ZNF385B: variants seen among roughly 807,000 people sequenced by gnomAD.
ZNF385B encodes zinc finger protein 533.
A neutral mutation model predicts 39.2 loss-of-function variants in ZNF385B; 23 were observed. That is an observed-to-expected ratio of 0.59 (90% CI 0.42 to 0.83). ZNF385B has a LOEUF of 0.83. Ranked by LOEUF, ZNF385B falls within the 40% of genes least tolerant of loss-of-function variation. ZNF385B has a pLI of 0.00. For missense variants in ZNF385B, 552 were observed against 598.9 expected, an observed-to-expected ratio of 0.92 and a Z score of 0.82; for synonymous variants, 205 against 222.6, an observed-to-expected ratio of 0.92 and a Z score of 0.70.
intron 4 of ZNF385B, among the ~76,000 whole-genome samples, chr2:179,521,062 T>C (rs993029613): frequency 6.3e-5 from 9 of 143,464 alleles, no homozygotes; most frequent in African/African-American, 1.8e-4. Context: ...TAGTAGACTA[T>C]TGTATCTATT....
Position 179,720,939 on chromosome 2 carries a change from T to TC in ZNF385B, c.298+48563_298+48564insG, listed in dbSNP as rs1449976350. ...CATGCCTGGCTGTTTTTTTTTTTTTTTTTTTTTTTTGGAGAGACAAGGTCC... is the reference window on the plus strand; with the variant it reads ...CATGCCTGGCTGTTTTTTTTTTTTTTCTTTTTTTTTTGGAGAGACAAGGTCC... On this transcript the variant is annotated intron_variant, in intron 3 of 9. Coordinates refer to ENST00000410066, the MANE Select transcript of ZNF385B (RefSeq NM_152520.6). Among the ~76,000 whole-genome samples, 5 of 146,266 alleles carry TC rather than the reference T, an allele frequency of 3.4e-5. 1 individual carries two copies. Among genetic ancestry groups the TC allele is most frequent in the African/African-American group, 1.3e-4 (5 of 39,624 alleles).
intron 6 of ZNF385B, among the ~76,000 whole-genome samples, chr2:179,478,006 A>G (rs1003953411): frequency 6.6e-5 from 10 of 152,190 alleles, no homozygotes; most frequent in African/African-American, 1.2e-4. Context: ...TCCTTTGCCC[A>G]TTGGAATACG....
At chr2:179,812,030 T>C (rs1251833984) in intron 1 of ZNF385B, among the ~76,000 whole-genome samples, 1 of 152,032 alleles carries the variant, frequency 6.6e-6, no homozygotes, top group Admixed American at 6.6e-5. Context: ...GCCAATAAAC[T>C]ATGAAAAATG....
chr2:179,645,563 A>G (rs1322602869), intron 3 of ZNF385B, among the ~76,000 whole-genome samples: 1 of 152,166 alleles, frequency 6.6e-6, no homozygotes, highest in African/African-American at 2.4e-5. Context: ...GGAACCAATT[A>G]CTCTTAAGAC....
intron 3 of ZNF385B, among the ~76,000 whole-genome samples, chr2:179,636,622 G>C (rs1196495613): frequency 6.6e-6 from 1 of 152,178 alleles, no homozygotes; most frequent in Non-Finnish European, 1.5e-5. Flanking sequence ...ACCCATACAA[G>C]TGAGGGCCCC....
intron 5 of ZNF385B, among the ~76,000 whole-genome samples, chr2:179,490,541 C>T (rs2055106446): frequency 6.6e-6 from 1 of 151,270 alleles, no homozygotes; most frequent in Non-Finnish European, 1.5e-5. Flanking sequence ...TATAAATGGA[C>T]CAAATAACTA....
At chr2:179,570,566 T>C (rs1281483362) in intron 3 of ZNF385B, among the ~76,000 whole-genome samples, 3 of 152,208 alleles carry the variant, frequency 2.0e-5, no homozygotes, top group African/African-American at 7.2e-5. Flanking sequence ...TATACAATGC[T>C]TAACACAGTG....
chr2:179,600,660 C>T (rs1171639332), intron 3 of ZNF385B, among the ~76,000 whole-genome samples: 3 of 152,118 alleles, frequency 2.0e-5, no homozygotes, highest in Non-Finnish European at 4.4e-5. Flanking sequence ...TATTTTTGGT[C>T]CTACAGGGGC....
intron 3 of ZNF385B, among the ~76,000 whole-genome samples, chr2:179,596,639 A>G (rs1219896406): frequency 1.3e-5 from 2 of 152,180 alleles, no homozygotes; most frequent in African/African-American, 4.8e-5. Flanking sequence ...CCAAACACTA[A>G]TCTTTTGATC....
At chr2:179,800,828 T>C (rs1444895314) in intron 1 of ZNF385B, among the ~76,000 whole-genome samples, 1 of 152,102 alleles carries the variant, frequency 6.6e-6, no homozygotes, top group Non-Finnish European at 1.5e-5. Flanking sequence ...TGAAGCCTTT[T>C]AAAGCAAAGC....
chr2:179,624,091 T>C (rs1515269), intron 3 of ZNF385B, among the ~76,000 whole-genome samples: 99,807 of 151,894 alleles, frequency 0.66, 32,986 homozygotes, highest in Admixed American at 0.73. Context: ...CCTTTCTCTC[T>C]CACCTCTCAT....
intron 3 of ZNF385B, among the ~76,000 whole-genome samples, chr2:179,647,082 T>C (rs1407522683): frequency 2.0e-5 from 3 of 152,170 alleles, no homozygotes; most frequent in Non-Finnish European, 2.9e-5. Context: ...TCCCACACCA[T>C]GTATTATCTA....
At chr2:179,763,619 A>G (rs1703523549) in intron 3 of ZNF385B, among the ~76,000 whole-genome samples, 1 of 152,188 alleles carries the variant, frequency 6.6e-6, no homozygotes, top group South Asian at 2.1e-4. Context: ...TTTCATTTCA[A>G]ATATAAGCAT....
intron 3 of ZNF385B, among the ~76,000 whole-genome samples, chr2:179,722,098 T>A (rs1441876674): frequency 6.6e-6 from 1 of 152,092 alleles, no homozygotes; most frequent in African/African-American, 2.4e-5. Context: ...TAAAAAGATA[T>A]CACTTAAAAT....
At chr2:179,674,290 T>C (rs757378233) in intron 3 of ZNF385B, among the ~76,000 whole-genome samples, 1 of 152,218 alleles carries the variant, frequency 6.6e-6, no homozygotes, top group Non-Finnish European at 1.5e-5. Context: ...CGGATTATTA[T>C]TAATCAAGTA....
intron 3 of ZNF385B, among the ~76,000 whole-genome samples, chr2:179,662,965 T>A (rs1016941076): frequency 3.3e-5 from 5 of 152,192 alleles, no homozygotes; most frequent in African/African-American, 1.2e-4. Flanking sequence ...TCATTTTAGT[T>A]TTGATTTTCC....
At chr2:179,623,801 A>G (rs1468550984) in intron 3 of ZNF385B, among the ~76,000 whole-genome samples, 3 of 152,160 alleles carry the variant, frequency 2.0e-5, no homozygotes, top group South Asian at 4.1e-4. Context: ...CCTTTTCAAC[A>G]AATTTCTTTT....
intron 3 of ZNF385B, among the ~76,000 whole-genome samples, chr2:179,658,320 C>T (rs1694036875): frequency 6.6e-6 from 1 of 152,102 alleles, no homozygotes; most frequent in East Asian, 1.9e-4. Flanking sequence ...ACCTTATGAC[C>T]TAAAGGGAGT....
chr2:179,742,802 A>G (rs956446566), intron 3 of ZNF385B, among the ~76,000 whole-genome samples: 16 of 152,080 alleles, frequency 1.1e-4, no homozygotes, highest in Non-Finnish European at 2.9e-5. Flanking sequence ...ATGTTTCTCA[A>G]CTAAAACAGG....
Sources: allele counts gnomAD v4.1 joint callset (sites outside exome capture counted in the v4.1 genomes callset), GRCh38; gene constraint gnomAD v4.1.1; transcripts MANE v1.5; gene names NCBI Gene and HGNC (gene_info 2026-07-23, HGNC 2026-07-21).